Variants in ZDHHC14 observed in about 807,000 individuals in gnomAD.
ZDHHC14 encodes zDHHC palmitoyltransferase 14.
Under a neutral mutation model 47.7 loss-of-function variants are expected in ZDHHC14, and 16 were observed. The ratio of observed to expected loss-of-function variants is 0.34; its 90% CI spans 0.23 to 0.51. ZDHHC14 has a LOEUF of 0.51. Ranked by LOEUF, ZDHHC14 falls within the 20% of genes least tolerant of loss-of-function variation. The pLI, the probability that ZDHHC14 is intolerant of heterozygous loss-of-function variation, is 0.97. For synonymous variants in ZDHHC14, 293 were observed against 278.9 expected (o/e 1.05, Z -0.50); for missense variants, 515 against 662.5 (o/e 0.78, Z 2.44).
chr6:157,408,769 C>T (rs1404913768), intron 1 of ZDHHC14, among the ~76,000 whole-genome samples: 1 of 152,194 alleles, frequency 6.6e-6, no homozygotes, highest in East Asian at 1.9e-4. Context: ...ATTGAACATA[C>T]ATGTGCATGT....
intron 1 of ZDHHC14, among the ~76,000 whole-genome samples, chr6:157,420,306 T>C (rs1440675379): frequency 7.0e-6 from 1 of 142,044 alleles, no homozygotes; most frequent in East Asian, 2.1e-4. Context: ...AAGGCACTGA[T>C]GAGAGGAGAG....
chr6:157,670,131 G>A (rs889457598), intron 8 of ZDHHC14, among the ~76,000 whole-genome samples: 6 of 152,140 alleles, frequency 3.9e-5, no homozygotes, highest in Admixed American at 2.6e-4. Context: ...AGCCCCCACC[G>A]GAAGGGACCT....
intron 2 of ZDHHC14, among the ~76,000 whole-genome samples, chr6:157,569,496 T>A (rs1039023543): frequency 6.6e-6 from 1 of 152,150 alleles, no homozygotes; most frequent in African/African-American, 2.4e-5. Context: ...ATTTTATTTA[T>A]TCCCGGGCCA....
intron 2 of ZDHHC14, among the ~76,000 whole-genome samples, chr6:157,566,022 A>G (rs945373534): frequency 1.3e-5 from 2 of 152,322 alleles, no homozygotes; most frequent in Non-Finnish European, 1.5e-5. Flanking sequence ...TGGGTGCACA[A>G]GCTGGATAAT....
At chr6:157,565,102 C>A (rs1374449866) in intron 2 of ZDHHC14, among the ~76,000 whole-genome samples, 1 of 152,038 alleles carries the variant, frequency 6.6e-6, no homozygotes, top group Admixed American at 6.6e-5. Context: ...AAAACATTAG[C>A]CAGGTGTGGT....
chr6:157,470,581 A>G (rs1188094396), intron 1 of ZDHHC14, among the ~76,000 whole-genome samples: 1 of 152,244 alleles, frequency 6.6e-6, no homozygotes, highest in African/African-American at 2.4e-5. Flanking sequence ...TGAAAATATG[A>G]AAAATGGCAG....
chr6:157,404,431 G>A (rs1010155895), intron 1 of ZDHHC14, among the ~76,000 whole-genome samples: 2 of 152,062 alleles, frequency 1.3e-5, no homozygotes, highest in Non-Finnish European at 2.9e-5. Context: ...CACTGTTCCC[G>A]GCCGGAAAAT....
At chr6:157,645,995 C>T (rs890532463) in intron 6 of ZDHHC14, among the ~76,000 whole-genome samples, 156 bp downstream of exon 6, 7 of 152,224 alleles carry the variant, frequency 4.6e-5, no homozygotes, top group African/African-American at 1.7e-4. Flanking sequence ...ACTTCTCCAC[C>T]TGCCGTTCTG....
intron 1 of ZDHHC14, among the ~76,000 whole-genome samples, chr6:157,485,245 C>G (rs1007350170): frequency 6.6e-6 from 1 of 152,194 alleles, no homozygotes; most frequent in African/African-American, 2.4e-5. Flanking sequence ...CTGGGGGTGC[C>G]TGTGGTGCCC....
At chr6:157,609,464 C>T (rs1353698620) in intron 3 of ZDHHC14, among the ~76,000 whole-genome samples, 1 of 152,224 alleles carries the variant, frequency 6.6e-6, no homozygotes, top group African/African-American at 2.4e-5. Context: ...AGGATGCTCC[C>T]TTTATCCAGA....
chr6:157,614,682 G>A (rs1311634259), intron 3 of ZDHHC14, among the ~76,000 whole-genome samples: 5 of 152,114 alleles, frequency 3.3e-5, no homozygotes, highest in Non-Finnish European at 1.5e-5. Flanking sequence ...TAGCAGGGCC[G>A]GGGTCACCAG....
chr6:157,641,977 T>C (rs979547638), intron 5 of ZDHHC14, among the ~76,000 whole-genome samples: 5 of 152,122 alleles, frequency 3.3e-5, no homozygotes, highest in Non-Finnish European at 7.3e-5. Context: ...CCTTTACACA[T>C]TGAAAAATTA....
At chr6:157,559,087 A>G (rs561732878) in intron 2 of ZDHHC14, among the ~76,000 whole-genome samples, 6 of 152,356 alleles carry the variant, frequency 3.9e-5, no homozygotes, top group Non-Finnish European at 8.8e-5. Context: ...CCACTCTTCC[A>G]TGATGATAAA....
In ZDHHC14 at chr6:157,673,572, G is replaced by A. The variant is rs899109424; in HGVS notation, c.*450G>A. On this transcript the variant is annotated 3_prime_UTR_variant, in exon 9 of 9. Coordinates refer to ENST00000359775, the MANE Select transcript of ZDHHC14 (RefSeq NM_024630.3). The surrounding 1 kb of genome is among the most constrained non-coding windows in gnomAD (Gnocchi z 5.4). ...TAAAGGGAAAAAACCGACCAGGTGT[G>A]GATCTGCATGCCACGCTGCCGTCTG... The A allele has an allele frequency of 4.3e-5, 7 of 162,742 alleles. No homozygotes were observed. The highest frequency in any genetic ancestry group is 2.0e-4 in the South Asian group (1 of 5,040). The allele number at this position is 162,742 out of a possible 1,614,324, so 10.1% of individuals were successfully genotyped here.
intron 4 of ZDHHC14, chr6:157,629,648 C>T (rs1397620165): frequency 1.3e-5 from 2 of 152,206 alleles, no homozygotes; most frequent in African/African-American, 2.4e-5. Flanking sequence ...AGTTGCCATT[C>T]TTTCTGACTA....
chr6:157,641,829 A>G (rs62424562), intron 5 of ZDHHC14, among the ~76,000 whole-genome samples: 1 of 152,124 alleles, frequency 6.6e-6, no homozygotes, highest in Admixed American at 6.5e-5. Context: ...TAATTTATCT[A>G]TCAGATAATT....
rs372377016 is a variant in ZDHHC14 at position 157,672,922 on chromosome 6, C to T, written c.1267C>T (p.Leu423Phe). The T allele has an allele frequency of 3.1e-5, 50 of 1,603,256 alleles. No individual in the cohort carries two copies. In the African/African-American group the frequency reaches 5.9e-4, roughly 19 times the overall value. Reference protein sequence around the residue: ...ASMPNLAEATLADVMPRKDEH... With the variant: ...ASMPNLAEATFADVMPRKDEH... ...CATGCCCAACCTCGCCGAGGCCACG[C>T]TCGCGGACGTGATGCCCCGGAAAGA... The change falls in exon 9 of 9, where the codon CTC (leucine) becomes TTC (phenylalanine). Residue 423 changes from leucine (L) to phenylalanine (F), a missense_variant. Coordinates refer to ENST00000359775, the MANE Select transcript of ZDHHC14 (RefSeq NM_024630.3).
At chr6:157,439,097 A>C (rs1057377455) in intron 1 of ZDHHC14, among the ~76,000 whole-genome samples, 1 of 152,216 alleles carries the variant, frequency 6.6e-6, no homozygotes, top group African/African-American at 2.4e-5. Flanking sequence ...ACAGTTCCCC[A>C]TCCAGAGAAA....
chr6:157,395,736 G>C (rs1777508015), intron 1 of ZDHHC14, among the ~76,000 whole-genome samples: 1 of 151,108 alleles, frequency 6.6e-6, no homozygotes, highest in African/African-American at 2.4e-5. Context: ...GGAGGTTTCA[G>C]TGAGCTGAGA....
Sources: gnomAD v4.1 joint callset for allele counts (sites outside exome capture counted in the v4.1 genomes callset) on GRCh38, gnomAD v4.1.1 for gene constraint, Gnocchi (gnomAD v3.1) non-coding constraint, MANE v1.5 for transcripts, NCBI Gene and HGNC (gene_info 2026-07-23, HGNC 2026-07-21) for gene names.